ZNF91: variants seen among roughly 807,000 people sequenced by gnomAD.
ZNF91 encodes zinc finger protein 91 (HPF7, HTF10).
A neutral mutation model predicts 12.6 loss-of-function variants in ZNF91; 7 were observed. The ratio of observed to expected loss-of-function variants is 0.55; its 90% CI spans 0.31 to 1.04. ZNF91 has a LOEUF of 1.04. ZNF91 is among the 50% of genes least tolerant of loss of function. ZNF91 has a pLI of 0.05. For missense variants in ZNF91, 1,217 were observed against 1,385.4 expected (o/e 0.88, Z 1.93); for synonymous variants, 453 against 462.6 (o/e 0.98, Z 0.27).
At position 23,362,237 on chromosome 19, in the gene ZNF91, TA is replaced by T; in HGVS notation, c.741del (p.Phe247LeufsTer12). On this transcript the variant is annotated frameshift_variant, in exon 4 of 4. Coordinates refer to ENST00000300619, the MANE Select transcript of ZNF91 (RefSeq NM_003430.4). LOFTEE classifies it low-confidence loss of function (END_TRUNC). ...PYKCEECGKA[F>X]KQLSTLTTHK... ...TGTGTAGTAAGGGTTGAGAGCTGCT[TA>T]AAAGCTTTGCCACATTCTTCACATT... is the stretch of plus-strand genomic sequence containing the variant. 1 of 1,613,006 alleles carries T rather than the reference TA, an allele frequency of 6.2e-7. No individual in the cohort carries two copies. Among genetic ancestry groups the T allele is most frequent in the Non-Finnish European group, 8.5e-7 (1 of 1,179,328 alleles).
chr19:23,378,402 T>A (rs1969580909), intron 1 of ZNF91, among the ~76,000 whole-genome samples: 1 of 152,220 alleles, frequency 6.6e-6, no homozygotes, highest in South Asian at 2.1e-4. Context: ...AATTCTGTTC[T>A]TTATGCCACT....
At chr19:23,342,394 A>G in intron 3 of ZNF91, 1 of 318,320 alleles carries the variant, frequency 3.1e-6, no homozygotes, top group East Asian at 4.4e-5. Flanking sequence ...CTGTTTTCTG[A>G]CAGAAACTTT....
chr19:23,378,211 A>G (rs964243903), intron 1 of ZNF91, among the ~76,000 whole-genome samples: 8 of 152,172 alleles, frequency 5.3e-5, no homozygotes, highest in African/African-American at 1.9e-4. Flanking sequence ...TTTATCTGCT[A>G]TTGGGTTTCA....
intron 1 of ZNF91, among the ~76,000 whole-genome samples, chr19:23,385,882 A>C (rs529636692): frequency 1.1e-4 from 16 of 152,204 alleles, no homozygotes; most frequent in Non-Finnish European, 1.9e-4. Context: ...TGTCAGCTAC[A>C]TGTTGGTAAG....
downstream of ZNF91, among the ~76,000 whole-genome samples, chr19:23,352,737 C>A (rs940436016): frequency 6.6e-6 from 1 of 152,044 alleles, no homozygotes; most frequent in Admixed American, 6.5e-5. Context: ...ACATAAGGAC[C>A]CAAATAAACT....
rs1158241782 is a variant in ZNF91, at chr19:23,374,641, G to A, written c.154C>T (p.Leu52=). 6.2e-7 allele frequency: 1 copy of A among 1,609,618 alleles called. No homozygotes were observed. Among genetic ancestry groups the A allele is most frequent in the Non-Finnish European group, 8.5e-7 (1 of 1,177,894 alleles). ...TTAGTATTAAAGTTTTCCTTACCCA[G>A]GAAGGCCAGGTTTCTGTAGTTCTCT... ...MLENYRNLAF[L]GIALSKPDLI... The change falls in exon 2 of 4, where the codon CTG becomes TTG. Residue 52 remains leucine, a synonymous_variant. Transcript: ENST00000300619.
At position 23,361,092 on chromosome 19, in the gene ZNF91, G is replaced by C. The variant is rs756165974; in HGVS notation, c.1887C>G (p.Pro629=). The stretch of plus-strand genomic sequence containing the variant: ...CTTTGCCACATTCTTCACATTTGTA[G>C]GGTTTCTCTCCAGTGTGTATCCTCT... ...RHKRIHTGEK[P]YKCEECGKAF... is the part of the protein sequence containing the mutation. Residue 629 remains proline, a synonymous_variant, in exon 4 of 4, where the codon CCC becomes CCG. Transcript: ENST00000300619. The C allele has an allele frequency of 2.5e-6, 4 of 1,613,678 alleles. No homozygotes were observed. Among genetic ancestry groups the C allele is most frequent in the Non-Finnish European group, 2.5e-6 (3 of 1,179,886 alleles).
At chr19:23,309,768 G>A (rs1568363514) in intron 1 of ZNF91, among the ~76,000 whole-genome samples, 2 of 152,170 alleles carry the variant, frequency 1.3e-5, no homozygotes, top group Non-Finnish European at 2.9e-5. Flanking sequence ...TCTGTATGGA[G>A]GTTATAAAAG....
chr19:23,334,975 A>T (rs1055818634), downstream of ZNF91, among the ~76,000 whole-genome samples: 1 of 152,198 alleles, frequency 6.6e-6, no homozygotes, highest in Non-Finnish European at 1.5e-5. Context: ...TTTAACTGGA[A>T]TTTTTTAAAC....
chr19:23,386,055 T>A (rs1376732337), intron 1 of ZNF91, among the ~76,000 whole-genome samples: 1 of 152,072 alleles, frequency 6.6e-6, no homozygotes, highest in Non-Finnish European at 1.5e-5. Flanking sequence ...ATAAACATAA[T>A]CCCATTCACA....
intron 2 of ZNF91, chr19:23,307,854 A>C (rs535980699): frequency 6.6e-6 from 1 of 152,340 alleles, no homozygotes; most frequent in South Asian, 2.1e-4. Flanking sequence ...CCAAAAAAGG[A>C]TTGTATAGCT....
At chr19:23,373,346 TTATATATATATA>T (rs200251921) in intron 3 of ZNF91, among the ~76,000 whole-genome samples, 13,243 of 85,710 alleles carry the variant, frequency 0.15, 845 homozygotes, top group African/African-American at 0.18. Context: ...TCATGTAATC[TTATATATATATA>T]TATATATATA....
intron 1 of ZNF91, among the ~76,000 whole-genome samples, chr19:23,390,750 G>C (rs1321026404): frequency 6.6e-6 from 1 of 151,972 alleles, no homozygotes. Flanking sequence ...TTTTTTTAGA[G>C]ATGCATTTTT....
downstream of ZNF91, among the ~76,000 whole-genome samples, chr19:23,337,421 C>A (rs567548196): frequency 1.4e-5 from 2 of 145,902 alleles, no homozygotes; most frequent in South Asian, 4.3e-4. Context: ...TGCACAAACC[C>A]AAAAGTAAAG....
intron 3 of ZNF91, among the ~76,000 whole-genome samples, chr19:23,349,828 T>A (rs537551510): frequency 6.6e-6 from 1 of 152,144 alleles, no homozygotes; most frequent in East Asian, 1.9e-4. Flanking sequence ...TAATAATAAT[T>A]TAAAACAAAC....
intron 1 of ZNF91, chr19:23,328,742 G>C (rs1344198564): frequency 1.3e-5 from 2 of 152,206 alleles, no homozygotes; most frequent in African/African-American, 4.8e-5. Flanking sequence ...GCAGCATCGT[G>C]ACAGTAAAGA....
intron 3 of ZNF91, chr19:23,339,359 G>A (rs1202742513): frequency 6.6e-6 from 1 of 151,950 alleles, no homozygotes; most frequent in Non-Finnish European, 1.5e-5. Context: ...CAACATCACA[G>A]CACCCTGATT....
At chr19:23,323,687 TCTC>T (rs202165285) in intron 1 of ZNF91, among the ~76,000 whole-genome samples, 10,886 of 131,014 alleles carry the variant, frequency 0.083, 542 homozygotes, top group East Asian at 0.15. Context: ...CTCCTCTACT[TCTC>T]CTTCTTTATC....
At chr19:23,379,479 C>T (rs917843899) in intron 1 of ZNF91, among the ~76,000 whole-genome samples, 9 of 152,158 alleles carry the variant, frequency 5.9e-5, no homozygotes, top group South Asian at 4.1e-4. Flanking sequence ...ACATGCATTA[C>T]AATCCATCTG....
Sources: gnomAD v4.1 joint callset for allele counts (sites outside exome capture counted in the v4.1 genomes callset) on GRCh38, gnomAD v4.1.1 for gene constraint, MANE v1.5 for transcripts, NCBI Gene and HGNC (gene_info 2026-07-23, HGNC 2026-07-21) for gene names.